Variants in ZXDB observed in about 807,000 individuals in gnomAD.
ZXDB encodes zinc finger X-linked protein ZXDB.
For synonymous variants in ZXDB, 273 were observed against 314.3 expected (o/e 0.87, Z 1.39); for missense variants, 413 against 679.1 (o/e 0.61, Z 4.36).
rs916878364 is a variant in ZXDB, at chrX:57,594,871, A to G, written c.*411A>G. 12 of 136,644 alleles carry G rather than the reference A, an allele frequency of 8.8e-5. No homozygotes were observed. The highest frequency in any genetic ancestry group is 3.6e-4 in the African/African-American group (11 of 30,751). 11.3% of individuals were successfully genotyped at this position (136,644 alleles called of 1,213,427 possible). Reference sequence around the variant, plus strand: ...TGGCAAACATACATAATGTTACATCATACTATGATGAACATCCATGTACTT... The same window carrying G: ...TGGCAAACATACATAATGTTACATCGTACTATGATGAACATCCATGTACTT... On this transcript the variant is annotated 3_prime_UTR_variant, in exon 1 of 1. Coordinates refer to ENST00000374888, the MANE Select transcript of ZXDB (RefSeq NM_007157.4).
rs1038735983 is a variant in ZXDB, at chrX:57,596,817, C to T, written c.*2357C>T. On this transcript the variant is annotated 3_prime_UTR_variant, in exon 1 of 1. Coordinates refer to ENST00000374888, the MANE Select transcript of ZXDB (RefSeq NM_007157.4). ...TTCCTGCCATTATCCCTCAGACATT[C>T]TCCTCATGGCACATTTTCTTCAAAT... 1 of 123,048 alleles carries T rather than the reference C, an allele frequency of 8.1e-6. No individual in the cohort carries two copies. The highest frequency in any genetic ancestry group is 1.9e-5 in the Non-Finnish European group (1 of 53,204). The allele number at this position is 123,048 out of a possible 1,213,427, so 10.1% of individuals were successfully genotyped here. A position where few individuals can be genotyped will look rare whatever the true frequency, so the allele number is the denominator to read the frequency against.
Position 57,592,773 on chromosome X carries a change from C to T in ZXDB, c.725C>T (p.Ala242Val), listed in dbSNP as rs757763409. ...GCTGAGCCGGCCGAACCCGCGCCAGCTCCGGCGCCTGAGGAGGAGGCGGAG... is the reference window on the plus strand; with the variant it reads ...GCTGAGCCGGCCGAACCCGCGCCAGTTCCGGCGCCTGAGGAGGAGGCGGAG... ...LLAEPAEPAP[A>V]PAPEEEAEGP... is the part of the protein sequence containing the mutation. Residue 242 changes from alanine to valine, a missense_variant, in exon 1 of 1, where the codon GCT becomes GTT. Coordinates refer to ENST00000374888, the MANE Select transcript of ZXDB (RefSeq NM_007157.4). The T allele has an allele frequency of 2.6e-6, 3 of 1,150,132 alleles. No homozygotes were observed. The highest frequency in any genetic ancestry group is 6.7e-5 in the East Asian group (2 of 29,959). The allele number at this position is 1,150,132 out of a possible 1,213,427, so 94.8% of individuals were successfully genotyped here.
Position 57,592,167 on chromosome X carries a change from C to G in ZXDB, c.119C>G (p.Pro40Arg). ...RGPDSPAGQV[P>R]TRRLLLLRGP... ...CCTGACTCGCCGGCTGGCCAGGTCC[C>G]CACGCGCCGCCTCCTGCTGCTCCGG... Residue 40 changes from proline to arginine, a missense_variant, in exon 1 of 1, where the codon CCC (proline) becomes CGC (arginine). Physicochemically the swap from Pro to Arg is moderately radical, Grantham distance 103. Coordinates refer to ENST00000374888, the MANE Select transcript of ZXDB (RefSeq NM_007157.4). 1 of 1,051,005 alleles carries G rather than the reference C, an allele frequency of 9.5e-7. No homozygotes were observed. Among genetic ancestry groups the G allele is most frequent in the Non-Finnish European group, 1.2e-6 (1 of 823,549 alleles). The allele number at this position is 1,051,005 out of a possible 1,213,427, so 86.6% of individuals were successfully genotyped here.
Position 57,592,283 on chromosome X carries a change from G to A in ZXDB, c.235G>A (p.Asp79Asn). 1 of 1,184,091 alleles carries A rather than the reference G, an allele frequency of 8.4e-7. No individual in the cohort carries two copies. The highest frequency in any genetic ancestry group is 1.1e-6 in the Non-Finnish European group (1 of 886,334). ...PGPSLLAPRT[D>N]QPSGGGGGGG... ...CCCAAGCCTGTTGGCGCCGAGGACC[G>A]ATCAACCTAGCGGCGGCGGCGGCGG... Residue 79 changes from aspartate to asparagine, a missense_variant, in exon 1 of 1, where the codon GAT becomes AAT. Coordinates refer to ENST00000374888, the MANE Select transcript of ZXDB (RefSeq NM_007157.4).
Position 57,592,767 on chromosome X carries a change from C to A in ZXDB, c.719C>A (p.Ala240Glu). 1 of 1,152,449 alleles carries A rather than the reference C, an allele frequency of 8.7e-7. No individual in the cohort carries two copies. The highest frequency in any genetic ancestry group is 1.2e-6 in the Non-Finnish European group (1 of 869,190). 95.0% of individuals were successfully genotyped at this position (1,152,449 alleles called of 1,213,427 possible). ...CTGCTAGCTGAGCCGGCCGAACCCG[C>A]GCCAGCTCCGGCGCCTGAGGAGGAG... ...DLLLAEPAEP[A>E]PAPAPEEEAE... The change falls in exon 1 of 1, where the codon GCG (alanine) becomes GAG (glutamate). Residue 240 changes from alanine (A) to glutamate (E), a missense_variant. By Grantham distance (107) the Ala-to-Glu change is moderately radical. Transcript: ENST00000374888.
rs191015153 is a variant in ZXDB, at chrX:57,595,636, A to G, written c.*1176A>G. 2.4e-5 allele frequency: 3 copies of G among 123,888 alleles called. No homozygotes were observed. Among genetic ancestry groups the G allele is most frequent in the East Asian group, 2.8e-4 (1 of 3,592 alleles). The allele number at this position is 123,888 out of a possible 1,213,427, so 10.2% of individuals were successfully genotyped here. A position where few individuals can be genotyped will look rare whatever the true frequency, so the allele number is the denominator to read the frequency against. On this transcript the variant is annotated 3_prime_UTR_variant, in exon 1 of 1. Coordinates refer to ENST00000374888, the MANE Select transcript of ZXDB (RefSeq NM_007157.4). ...TCAATGCCAAAATATTTTCTTAAATAGTCATAGAACTAACAAGAAAAAATA... is the reference window on the plus strand; with the variant it reads ...TCAATGCCAAAATATTTTCTTAAATGGTCATAGAACTAACAAGAAAAAATA...
chrX:57,592,494 C>G lies in ZXDB; in HGVS notation c.446C>G (p.Ala149Gly). 1 of 1,183,501 alleles carries G rather than the reference C, an allele frequency of 8.4e-7. No homozygotes were observed. ...PTALGPRCLSAVPTPAPISAP... is the reference protein window; with the variant it reads ...PTALGPRCLSGVPTPAPISAP... ...GCGCTAGGCCCCCGCTGCCTGTCCGCGGTTCCCACTCCGGCCCCGATCTCC... is the reference window on the plus strand; with the variant it reads ...GCGCTAGGCCCCCGCTGCCTGTCCGGGGTTCCCACTCCGGCCCCGATCTCC... Residue 149 changes from alanine to glycine, a missense_variant, in exon 1 of 1, where the codon GCG becomes GGG. Coordinates refer to ENST00000374888, the MANE Select transcript of ZXDB (RefSeq NM_007157.4).
At position 57,592,445 on chromosome X, in the gene ZXDB, G is replaced by A. The variant is rs1208632738; in HGVS notation, c.397G>A (p.Gly133Ser). 2.6e-6 allele frequency: 3 copies of A among 1,159,913 alleles called. No individual in the cohort carries two copies. In the African/African-American group the frequency reaches 5.6e-5, roughly 22 times the overall value. The change falls in exon 1 of 1, where the codon GGC becomes AGC. Residue 133 changes from glycine to serine, a missense_variant. Transcript: ENST00000374888. The part of the protein sequence containing the change: ...EGPGLQGGES[G>S]ANPAGPTALG... ...CCCGGGGCTCCAGGGGGGCGAGAGC[G>A]GCGCGAATCCCGCGGGGCCCACTGC...
Position 57,592,261 on chromosome X carries a change from A to G in ZXDB, c.213A>G (p.Pro71=), listed in dbSNP as rs779475818. ...GCACGGCATCACGGGGCCCTGGCCC[A>G]AGCCTGTTGGCGCCGAGGACCGATC... ...EASTASRGPG[P]SLLAPRTDQP... Residue 71 remains proline, a synonymous_variant, in exon 1 of 1, where the codon CCA becomes CCG. Transcript: ENST00000374888. 1 of 1,173,610 alleles carries G rather than the reference A, an allele frequency of 8.5e-7. No homozygotes were observed. Among genetic ancestry groups the G allele is most frequent in the Admixed American group, 2.3e-5 (1 of 43,222 alleles).
Position 57,592,862 on chromosome X carries a change from T to C in ZXDB, c.814T>C (p.Leu272=), listed in dbSNP as rs45492399. 341 of 1,177,221 alleles carry C rather than the reference T, an allele frequency of 2.9e-4. 1 individual carries two copies. In the Middle Eastern group the frequency reaches 3.8e-3, roughly 13 times the overall value. ...CTCCGGCCCAGGCGTGGTGCTGTAC[T>C]TGTGCCCCGAGGCGCAGTGCGGGCA... is the stretch of plus-strand genomic sequence containing the variant. ...LGSGPGVVLY[L]CPEAQCGQTF... The change falls in exon 1 of 1, where the codon TTG becomes CTG. Residue 272 remains leucine (L), a synonymous_variant. Coordinates refer to ENST00000374888, the MANE Select transcript of ZXDB (RefSeq NM_007157.4).
Position 57,594,436 on chromosome X carries a change from G to C in ZXDB, c.2388G>C (p.Val796=). Residue 796 remains valine, a synonymous_variant, in exon 1 of 1, where the codon GTG becomes GTC. Transcript: ENST00000374888. ...GSQKETDLIT[V]TGSSFLV ...AGAAAGAAACAGATCTTATCACTGT[G>C]ACTGGCAGCTCATTTTTGGTATGAA... The C allele has an allele frequency of 8.3e-7, 1 of 1,207,313 alleles. No individual in the cohort carries two copies. The highest frequency in any genetic ancestry group is 1.1e-6 in the Non-Finnish European group (1 of 893,476).
At position 57,596,606 on chromosome X, in the gene ZXDB, T is replaced by C. The variant is rs971829398; in HGVS notation, c.*2146T>C. 8.1e-6 allele frequency: 1 copy of C among 122,959 alleles called. No homozygotes were observed. The highest frequency in any genetic ancestry group is 1.9e-5 in the Non-Finnish European group (1 of 53,165). The allele number at this position is 122,959 out of a possible 1,213,427, so 10.1% of individuals were successfully genotyped here. On this transcript the variant is annotated 3_prime_UTR_variant, in exon 1 of 1. Coordinates refer to ENST00000374888, the MANE Select transcript of ZXDB (RefSeq NM_007157.4). ...AGCTTAAAACAAAGAATATACATTC[T>C]TTTCACCCCTCCCAGTCTACCCATC... is the stretch of plus-strand genomic sequence containing the variant.
At position 57,592,367 on chromosome X, in the gene ZXDB, G is replaced by C; in HGVS notation, c.319G>C (p.Ala107Pro). 1 of 1,190,118 alleles carries C rather than the reference G, an allele frequency of 8.4e-7. No homozygotes were observed. Among genetic ancestry groups the C allele is most frequent in the Non-Finnish European group, 1.1e-6 (1 of 888,896 alleles). The change falls in exon 1 of 1, where the codon GCG becomes CCG. Residue 107 changes from alanine to proline, a missense_variant. Transcript: ENST00000374888. ...CCCGGTGGGTGGCGACGTGGAGACC[G>C]CGGGCTCCGGTCAGGCCGCAGGGCC... ...LDPVGGDVET[A>P]GSGQAAGPVL...
At position 57,596,593 on chromosome X, in the gene ZXDB, A is replaced by C. The variant is rs1163187871; in HGVS notation, c.*2133A>C. 2 of 123,225 alleles carry C rather than the reference A, an allele frequency of 1.6e-5. No homozygotes were observed. The highest frequency in any genetic ancestry group is 1.9e-5 in the Non-Finnish European group (1 of 53,215). The allele number at this position is 123,225 out of a possible 1,213,427, so 10.2% of individuals were successfully genotyped here. A position where few individuals can be genotyped will look rare whatever the true frequency, so the allele number is the denominator to read the frequency against. On this transcript the variant is annotated 3_prime_UTR_variant, in exon 1 of 1. Transcript: ENST00000374888. Reference sequence around the variant, plus strand: ...CAATTTTATATATAGCTTAAAACAAAGAATATACATTCTTTTCACCCCTCC... The same window carrying C: ...CAATTTTATATATAGCTTAAAACAACGAATATACATTCTTTTCACCCCTCC...
In ZXDB at chrX:57,594,274, C is replaced by A. The variant is rs758861971; in HGVS notation, c.2226C>A (p.Thr742=). 9.1e-6 allele frequency: 11 copies of A among 1,209,603 alleles called. No homozygotes were observed. The East Asian group carries it at 3.3e-4, about 36-fold the overall frequency. ...VDTDALTPSS[T]LCENSVSELL... is the part of the protein sequence containing the mutation. ...CAGATGCTCTGACTCCTTCGAGCAC[C>A]CTTTGTGAAAACAGTGTCTCAGAAC... Residue 742 remains threonine (T), a synonymous_variant, in exon 1 of 1, where the codon ACC becomes ACA. Transcript: ENST00000374888.
Position 57,594,736 on chromosome X carries a change from G to A in ZXDB, c.*276G>A, listed in dbSNP as rs151282517. 118 of 267,978 alleles carry A rather than the reference G, an allele frequency of 4.4e-4. No individual in the cohort carries two copies. The East Asian group carries it at 7.7e-3, about 17-fold the overall frequency. The allele number at this position is 267,978 out of a possible 1,213,427, so 22.1% of individuals were successfully genotyped here. On this transcript the variant is annotated 3_prime_UTR_variant, in exon 1 of 1. Coordinates refer to ENST00000374888, the MANE Select transcript of ZXDB (RefSeq NM_007157.4). ...ATTGCTTTTAAGGTCTTTCTGCTCTGTGATTCCTTGATAATACATTTCTTT... is the reference window on the plus strand; with the variant it reads ...ATTGCTTTTAAGGTCTTTCTGCTCTATGATTCCTTGATAATACATTTCTTT...
rs1178626043 is a variant in ZXDB at position 57,594,188 on chromosome X, A to G, written c.2140A>G (p.Met714Val). 2.5e-6 allele frequency: 3 copies of G among 1,201,477 alleles called. No homozygotes were observed. Among genetic ancestry groups the G allele is most frequent in the Non-Finnish European group, 3.4e-6 (3 of 891,793 alleles). The part of the protein sequence containing the change: ...GPLGSLDSLA[M>V]KNSSPEPQAL... ...ATTGGGATCTCTGGACTCTTTGGCC[A>G]TGAAAAACTCCAGTCCAGAGCCTCA... Residue 714 changes from methionine (M) to valine (V), a missense_variant, in exon 1 of 1, where the codon ATG becomes GTG. Transcript: ENST00000374888.
Position 57,594,422 on chromosome X carries a change from G to C in ZXDB, c.2374G>C (p.Asp792His), listed in dbSNP as rs12845530. The C allele has an allele frequency of 8.3e-7, 1 of 1,210,129 alleles. No homozygotes were observed. The highest frequency in any genetic ancestry group is 3.0e-5 in the East Asian group (1 of 33,834). ...AAACCATGGTTCTCAGAAAGAAACAGATCTTATCACTGTGACTGGCAGCTC... is the reference window on the plus strand; with the variant it reads ...AAACCATGGTTCTCAGAAAGAAACACATCTTATCACTGTGACTGGCAGCTC... Reference protein sequence around the residue: ...AGNHGSQKETDLITVTGSSFL... With the variant: ...AGNHGSQKETHLITVTGSSFL... The change falls in exon 1 of 1, where the codon GAT becomes CAT. Residue 792 changes from aspartate (D) to histidine (H), a missense_variant. Coordinates refer to ENST00000374888, the MANE Select transcript of ZXDB (RefSeq NM_007157.4).
In ZXDB at chrX:57,593,344, C is replaced by A. The variant is rs2057901531; in HGVS notation, c.1296C>A (p.Ser432Arg). 2.5e-6 allele frequency: 3 copies of A among 1,211,916 alleles called. No homozygotes were observed. The East Asian group carries it at 8.9e-5, about 36-fold the overall frequency. ...TTTCCTGCTCTTTTCCTGGCTGCAG[C>A]AAACAATATGACAAGGCTTGTAGGC... ...ELFSCSFPGC[S>R]KQYDKACRLK... The change falls in exon 1 of 1, where the codon AGC becomes AGA. Residue 432 changes from serine (S) to arginine (R), a missense_variant. Coordinates refer to ENST00000374888, the MANE Select transcript of ZXDB (RefSeq NM_007157.4).
Sources: allele counts gnomAD v4.1 joint callset, GRCh38; gene constraint gnomAD v4.1.1; transcripts MANE v1.5; gene names NCBI Gene and HGNC (gene_info 2026-07-23, HGNC 2026-07-21).